The following CEP85L variants were observed in gnomAD, a reference collection of about 807,000 sequenced individuals.
The protein encoded by CEP85L is centrosomal protein 85L.
A neutral mutation model predicts 100.3 loss-of-function variants in CEP85L; 60 were observed. That is an observed-to-expected ratio of 0.60 (90% CI 0.49 to 0.74). CEP85L has a LOEUF of 0.74. Among genes scored for constraint, CEP85L ranks in the 30% least tolerant of loss-of-function variants. The pLI is 0.00. For synonymous variants in CEP85L, 319 were observed against 322.7 expected (o/e 0.99, Z 0.12); for missense variants, 973 against 936.2 (o/e 1.04, Z -0.51).
At chr6:118,689,220 A>T (rs910501719) in intron 1 of CEP85L, among the ~76,000 whole-genome samples, 1 of 152,206 alleles carries the variant, frequency 6.6e-6, no homozygotes, top group Non-Finnish European at 1.5e-5. Flanking sequence ...TTACATCATT[A>T]AAAAAATTTG....
chr6:118,464,166 G>C lies in CEP85L; in HGVS notation c.*1239C>G, dbSNP rs1271620912. The stretch of plus-strand genomic sequence containing the variant: ...TCAAAAGAACATAATCAATGCTGAA[G>C]GCAATAAAATGTATAATCCTTCCAA... On this transcript the variant is annotated 3_prime_UTR_variant, in exon 13 of 13. Coordinates refer to ENST00000368491, the MANE Select transcript of CEP85L (RefSeq NM_001042475.3). The C allele has an allele frequency of 6.6e-6, 1 of 152,120 alleles. No individual in the cohort carries two copies. Among genetic ancestry groups the C allele is most frequent in the African/African-American group, 2.4e-5 (1 of 41,450 alleles). 9.4% of individuals were successfully genotyped at this position (152,120 alleles called of 1,614,324 possible).
At chr6:118,671,159 G>C (rs2798323) in intron 1 of CEP85L, among the ~76,000 whole-genome samples, 103,253 of 151,878 alleles carry the variant, frequency 0.68, 35,760 homozygotes, top group Middle Eastern at 0.75. Flanking sequence ...CTTATGGACA[G>C]TGGATCTCTA....
chr6:118,465,945 T>TA (rs1772484612), intron 12 of CEP85L, among the ~76,000 whole-genome samples: 1 of 152,108 alleles, frequency 6.6e-6, no homozygotes, highest in South Asian at 2.1e-4. Flanking sequence ...GGTGGTATCT[T>TA]ACATATTTAC....
intron 1 of CEP85L, among the ~76,000 whole-genome samples, chr6:118,679,785 GCCT>G (rs1776592960): frequency 6.6e-6 from 1 of 152,056 alleles, no homozygotes; most frequent in Non-Finnish European, 1.5e-5. Context: ...CCACCAGTTT[GCCT>G]CCTCCTCTTT....
At chr6:118,545,864 A>G (rs1444726877) in intron 3 of CEP85L, among the ~76,000 whole-genome samples, 2 of 152,232 alleles carry the variant, frequency 1.3e-5, no homozygotes, top group East Asian at 3.8e-4. Context: ...TGTACACTTC[A>G]TGTCATTAAA....
At chr6:118,537,755 C>T (rs1326596774) in intron 3 of CEP85L, 6 of 985,214 alleles carry the variant, frequency 6.1e-6, no homozygotes, top group East Asian at 1.1e-4. Context: ...TAATCCAGTG[C>T]TACCACACTT....
chr6:118,467,797 A>G (rs1772641844), intron 12 of CEP85L, among the ~76,000 whole-genome samples: 2 of 152,204 alleles, frequency 1.3e-5, no homozygotes, highest in Admixed American at 1.3e-4. Flanking sequence ...CATGTTCACC[A>G]GGCAAACTTC....
rs1218648244 is a variant in CEP85L at position 118,565,715 on chromosome 6, T to G, written c.834A>C (p.Leu278Phe). ...SSEAFEPPKY[L>F]MLGQQAVGGV... ...CACCTACTGCCTGTTGACCAAGCAT[T>G]AAATATTTTGGAGGTTCAAAAGCCT... The change falls in exon 3 of 13, where the codon TTA becomes TTC. Residue 278 changes from leucine (L) to phenylalanine (F), a missense_variant. Around this residue, in one of 3 missense-constraint regions of CEP85L, gnomAD observed 890 missense variants for 844.5 expected, o/e 1.05. Transcript: ENST00000368491. The G allele has an allele frequency of 1.9e-6, 3 of 1,614,162 alleles. No individual in the cohort carries two copies. Among genetic ancestry groups the G allele is most frequent in the Non-Finnish European group, 2.5e-6 (3 of 1,180,034 alleles).
intron 1 of CEP85L, among the ~76,000 whole-genome samples, chr6:118,709,582 A>C (rs1037122375): frequency 1.8e-3 from 229 of 125,348 alleles, no homozygotes; most frequent in Non-Finnish European, 3.5e-3. Context: ...AGAGAGAGAG[A>C]GCGCTCCCAG....
At chr6:118,602,395 C>T (rs1260301415) in intron 2 of CEP85L, among the ~76,000 whole-genome samples, 1 of 152,056 alleles carries the variant, frequency 6.6e-6, no homozygotes, top group African/African-American at 2.4e-5. Context: ...GAAGGTTTTC[C>T]ATGAACTGGA....
At chr6:118,498,109 T>C (rs1775036723) in intron 5 of CEP85L, among the ~76,000 whole-genome samples, 1 of 152,146 alleles carries the variant, frequency 6.6e-6, no homozygotes. Flanking sequence ...TAGTTATAAA[T>C]GTAAATGAAA....
In CEP85L at chr6:118,572,746, C is replaced by A. The variant is rs1442355821; in HGVS notation, c.233-6430G>T. On this transcript the variant is annotated intron_variant, in intron 2 of 12. Coordinates refer to ENST00000368491, the MANE Select transcript of CEP85L (RefSeq NM_001042475.3). ...AAGGCATTATGCTAGGTAGAAAAGACAATACAAACATATTAATCTCAATAA... is the reference window on the plus strand; with the variant it reads ...AAGGCATTATGCTAGGTAGAAAAGAAAATACAAACATATTAATCTCAATAA... Among the ~76,000 whole-genome samples, 3 of 152,086 alleles carry A rather than the reference C, an allele frequency of 2.0e-5. No individual in the cohort carries two copies. In the East Asian group the frequency reaches 5.8e-4, roughly 29 times the overall value.
At chr6:118,563,915 A>G (rs1454742470) in intron 3 of CEP85L, among the ~76,000 whole-genome samples, 3 of 152,210 alleles carry the variant, frequency 2.0e-5, no homozygotes, top group East Asian at 1.9e-4. Flanking sequence ...ATTACAACTT[A>G]GTTTGTCTAG....
intron 2 of CEP85L, among the ~76,000 whole-genome samples, chr6:118,630,019 T>C (rs1205123366): frequency 6.6e-6 from 1 of 152,240 alleles, no homozygotes; most frequent in Non-Finnish European, 1.5e-5. Flanking sequence ...TAAGTGGCTT[T>C]TGGAAGGGAC....
chr6:118,555,198 G>A (rs925663844), intron 3 of CEP85L, among the ~76,000 whole-genome samples: 2 of 152,100 alleles, frequency 1.3e-5, no homozygotes, highest in African/African-American at 2.4e-5. Flanking sequence ...TTGGGAGGCC[G>A]AGGCGGGTGG....
chr6:118,698,288 TATC>T (rs1483593252), intron 1 of CEP85L, among the ~76,000 whole-genome samples: 4 of 152,182 alleles, frequency 2.6e-5, no homozygotes, highest in Non-Finnish European at 4.4e-5. Flanking sequence ...ATCATTGAAT[TATC>T]ATGAGATTTA....
intron 12 of CEP85L, among the ~76,000 whole-genome samples, chr6:118,466,192 T>A (rs995849405): frequency 8.5e-5 from 13 of 152,136 alleles, no homozygotes; most frequent in Admixed American, 6.6e-4. Context: ...CTTTTAGTTA[T>A]TTACTTCAGT....
intron 5 of CEP85L, among the ~76,000 whole-genome samples, chr6:118,509,187 A>G (rs1161321610): frequency 6.6e-6 from 1 of 152,088 alleles, no homozygotes; most frequent in Non-Finnish European, 1.5e-5. Flanking sequence ...TGGCTTGGAG[A>G]GCCCTCTACT....
chr6:118,517,528 T>G (rs564208307), intron 4 of CEP85L, among the ~76,000 whole-genome samples: 3 of 152,332 alleles, frequency 2.0e-5, no homozygotes, highest in Admixed American at 6.5e-5. Flanking sequence ...TCACTCATGA[T>G]TTGCCTCTCT....
Sources: allele counts gnomAD v4.1 joint callset (sites outside exome capture counted in the v4.1 genomes callset), GRCh38; gene constraint gnomAD v4.1.1; regional missense constraint gnomAD v4.1.1; transcripts MANE v1.5; gene names NCBI Gene and HGNC (gene_info 2026-07-23, HGNC 2026-07-21).